LIN28B: variants seen among roughly 807,000 people sequenced by gnomAD.
LIN28B encodes the protein lin-28 RNA binding posttranscriptional regulator B.
LIN28B carries 5 observed loss-of-function variants against 21.9 expected under a neutral mutation model. The observed-to-expected ratio is 0.23, with a 90% CI of 0.12 to 0.48. The LOEUF (loss-of-function observed/expected upper bound fraction) is 0.48. Ranked by LOEUF, LIN28B falls within the 20% of genes least tolerant of loss-of-function variation. LIN28B has a pLI of 0.98. For missense variants in LIN28B, 245 were observed against 310.5 expected, an observed-to-expected ratio of 0.79 and a Z score of 1.58; for synonymous variants, 109 against 111.3, an observed-to-expected ratio of 0.98 and a Z score of 0.13.
At position 105,080,781 on chromosome 6, in the gene LIN28B, TAGCAGGTATAATA is replaced by T. The variant is rs2114431454; in HGVS notation, c.*2006_*2018del. On this transcript the variant is annotated 3_prime_UTR_variant, in exon 4 of 4. Transcript: ENST00000345080. The stretch of plus-strand genomic sequence containing the variant: ...AACATGATAAGCGTTGCTCAATTTT[TAGCAGGTATAATA>T]AGCAGGTTAACAGTAAAAATGCAAA... 1 of 152,768 alleles carries T rather than the reference TAGCAGGTATAATA, an allele frequency of 6.5e-6. No individual in the cohort carries two copies. The highest frequency in any genetic ancestry group is 1.9e-4 in the East Asian group (1 of 5,186). The allele number at this position is 152,768 out of a possible 1,614,324, so 9.5% of individuals were successfully genotyped here.
At chr6:104,971,210 TA>T (rs1321810186) in intron 2 of LIN28B, among the ~76,000 whole-genome samples, 5 of 152,108 alleles carry the variant, frequency 3.3e-5, no homozygotes, top group African/African-American at 4.8e-5. Flanking sequence ...TAAGTACTTT[TA>T]AAAGACTTTT....
chr6:105,079,119 C>T lies in LIN28B; in HGVS notation c.*336C>T, dbSNP rs1772490661. ...TGTCTTTATATATTTGTGTATAGAT[C>T]AAAGCACACACCCTCTCTCATATAA... is the stretch of plus-strand genomic sequence containing the variant. On this transcript the variant is annotated 3_prime_UTR_variant, in exon 4 of 4. Coordinates refer to ENST00000345080, the MANE Select transcript of LIN28B (RefSeq NM_001004317.4). The T allele has an allele frequency of 5.5e-6, 1 of 182,360 alleles. No homozygotes were observed. The highest frequency in any genetic ancestry group is 1.5e-4 in the South Asian group (1 of 6,586). The allele number at this position is 182,360 out of a possible 1,614,324, so 11.3% of individuals were successfully genotyped here. A position where few individuals can be genotyped will look rare whatever the true frequency, so the allele number is the denominator to read the frequency against.
intron 3 of LIN28B, among the ~76,000 whole-genome samples, chr6:105,068,641 A>G (rs1772266313): frequency 6.6e-6 from 1 of 152,182 alleles, no homozygotes; most frequent in South Asian, 2.1e-4. Flanking sequence ...AACAGAAAGA[A>G]CCAAATGGCA....
At chr6:104,941,210 G>C (rs1025898423) in intron 2 of LIN28B, 1 of 152,228 alleles carries the variant, frequency 6.6e-6, no homozygotes, top group South Asian at 2.1e-4. Flanking sequence ...GACAGGTCTC[G>C]CAGCAAGTTG....
At chr6:105,029,603 A>T (rs1444614485) in intron 3 of LIN28B, among the ~76,000 whole-genome samples, 2 of 152,192 alleles carry the variant, frequency 1.3e-5, no homozygotes, top group African/African-American at 4.8e-5. Flanking sequence ...GAAATTTAAC[A>T]AGAAAGACGT....
At chr6:105,031,840 T>A (rs1232439145) in intron 3 of LIN28B, among the ~76,000 whole-genome samples, 1 of 152,172 alleles carries the variant, frequency 6.6e-6, no homozygotes, top group Non-Finnish European at 1.5e-5. Context: ...GTTAGATGAA[T>A]TTTAACACAC....
intron 3 of LIN28B, chr6:104,950,570 C>G: frequency 1.0e-6 from 1 of 984,304 alleles, no homozygotes; most frequent in Non-Finnish European, 1.3e-6. Context: ...AGATCAAGAT[C>G]GCTAGAGGCA....
At chr6:104,993,123 T>C (rs1283695333) in intron 2 of LIN28B, among the ~76,000 whole-genome samples, 2 of 152,204 alleles carry the variant, frequency 1.3e-5, no homozygotes, top group Admixed American at 1.3e-4. Flanking sequence ...AATATTTTCT[T>C]TAACATTTAA....
chr6:104,963,195 C>T (rs879566464), intron 2 of LIN28B, among the ~76,000 whole-genome samples: 3 of 152,036 alleles, frequency 2.0e-5, no homozygotes, highest in South Asian at 2.1e-4. Context: ...TACAGGCGCC[C>T]GCCACCACGC....
At chr6:104,989,163 T>A (rs79538169) in intron 2 of LIN28B, among the ~76,000 whole-genome samples, 3,305 of 152,302 alleles carry the variant, frequency 0.022, 129 homozygotes, top group African/African-American at 0.077. Flanking sequence ...TGCTTTCTAT[T>A]TCTTGATTTC....
At chr6:105,026,594 ATG>A in intron 3 of LIN28B, 112 bp downstream of exon 3, 2 of 654,280 alleles carry the variant, frequency 3.1e-6, no homozygotes, top group South Asian at 4.4e-5. Context: ...AACCACCATC[ATG>A]TAGAATATAT....
chr6:105,056,788 T>G (rs1772031523), intron 3 of LIN28B, among the ~76,000 whole-genome samples: 1 of 152,158 alleles, frequency 6.6e-6, no homozygotes, highest in Non-Finnish European at 1.5e-5. Flanking sequence ...GAGCTGAAAT[T>G]TATGCCTTTA....
At position 104,949,120 on chromosome 6, in the gene LIN28B, CAGAT is replaced by C. The variant is rs1778190324; in HGVS notation, c.19-1338_19-1335del. On this transcript the variant is annotated intron_variant, in intron 2 of 5. Coordinates refer to the LIN28B transcript ENST00000635857. ...GCTTGAATTCTTCTCTAAATATAAG[CAGAT>C]AGGATTAAGAATAGGCTGTGGACTA... Among the ~76,000 whole-genome samples the C allele has an allele frequency of 2.6e-5, 4 of 151,752 alleles. No homozygotes were observed. In the South Asian group the frequency reaches 8.3e-4, roughly 32 times the overall value.
At chr6:105,006,251 T>A (rs1770813999) in intron 2 of LIN28B, among the ~76,000 whole-genome samples, 1 of 152,194 alleles carries the variant, frequency 6.6e-6, no homozygotes, top group Admixed American at 6.5e-5. Context: ...ATAATTCACT[T>A]TTCGGTTCCA....
At chr6:104,973,522 T>G (rs369239272) in intron 2 of LIN28B, among the ~76,000 whole-genome samples, 1 of 152,276 alleles carries the variant, frequency 6.6e-6, no homozygotes, top group East Asian at 1.9e-4. Flanking sequence ...TTCTCCTCTC[T>G]TTTTTCCTCC....
chr6:105,003,806 C>T (rs1770763196), intron 2 of LIN28B, among the ~76,000 whole-genome samples: 1 of 152,128 alleles, frequency 6.6e-6, no homozygotes, highest in Admixed American at 6.5e-5. Context: ...CCACTGCACC[C>T]AGCCTGACTT....
At chr6:105,077,773 A>C (rs1429496649) in intron 3 of LIN28B, among the ~76,000 whole-genome samples, 3 of 152,170 alleles carry the variant, frequency 2.0e-5, no homozygotes, top group Admixed American at 2.0e-4. Flanking sequence ...TATTGCTCTA[A>C]AATTACTTGG....
At chr6:104,985,618 AT>A (rs1770322599) in intron 2 of LIN28B, among the ~76,000 whole-genome samples, 2 of 152,054 alleles carry the variant, frequency 1.3e-5, no homozygotes, top group South Asian at 4.1e-4. Context: ...ATAGTTTTAA[AT>A]TTTGAGTAAG....
chr6:105,045,280 TTC>T (rs1468828890), intron 3 of LIN28B, among the ~76,000 whole-genome samples: 37 of 149,016 alleles, frequency 2.5e-4, no homozygotes, highest in Admixed American at 7.3e-4. Flanking sequence ...TTGTATGTCA[TTC>T]TGTTTTTTTT....
Sources: gnomAD v4.1 joint callset for allele counts (sites outside exome capture counted in the v4.1 genomes callset) on GRCh38, gnomAD v4.1.1 for gene constraint, MANE v1.5 for transcripts, NCBI Gene and HGNC (gene_info 2026-07-23, HGNC 2026-07-21) for gene names.